Variants in GRIA1 observed in about 807,000 individuals in gnomAD.
GRIA1 encodes the protein glutamate receptor 1.
Under a neutral mutation model 99.2 loss-of-function variants are expected in GRIA1, and 31 were observed. The ratio of observed to expected loss-of-function variants is 0.31; its 90% CI spans 0.23 to 0.42. The LOEUF is 0.42. Among genes scored for constraint, GRIA1 ranks in the 10% least tolerant of loss-of-function variants. The pLI is 1.00. For missense variants in GRIA1, 782 were observed against 1,157.5 expected, an observed-to-expected ratio of 0.68 and a Z score of 4.71; for synonymous variants, 438 against 432.4, an observed-to-expected ratio of 1.01 and a Z score of -0.16.
At chr5:153,730,397 A>G (rs10477085) in intron 11 of GRIA1, among the ~76,000 whole-genome samples, 80,571 of 151,924 alleles carry the variant, frequency 0.53, 22,390 homozygotes, top group East Asian at 0.94. Context: ...ATGAATAAAT[A>G]TCCTAATAAA....
chr5:153,729,673 G>A (rs1022553333), intron 11 of GRIA1, among the ~76,000 whole-genome samples: 12 of 152,046 alleles, frequency 7.9e-5, no homozygotes, highest in African/African-American at 2.9e-4. Context: ...ATACTGAAAT[G>A]ATAGGGCTTT....
chr5:153,771,413 A>G (rs1483491164), intron 13 of GRIA1, among the ~76,000 whole-genome samples: 1 of 152,184 alleles, frequency 6.6e-6, no homozygotes, highest in African/African-American at 2.4e-5. Flanking sequence ...CTCTGCCTCC[A>G]CTTTATTCAT....
At chr5:153,670,074 A>C (rs746310234) in intron 5 of GRIA1, among the ~76,000 whole-genome samples, 1 of 152,238 alleles carries the variant, frequency 6.6e-6, no homozygotes, top group South Asian at 2.1e-4. Flanking sequence ...AAGTGCCTCA[A>C]GGTATTCTGA....
chr5:153,703,624 C>T (rs963668194), intron 10 of GRIA1, among the ~76,000 whole-genome samples: 7 of 152,240 alleles, frequency 4.6e-5, no homozygotes, highest in Middle Eastern at 3.4e-3. Flanking sequence ...CCTGTAATCC[C>T]AGCTACTTAG....
intron 2 of GRIA1, among the ~76,000 whole-genome samples, chr5:153,639,585 C>G (rs1218703049): frequency 1.3e-5 from 2 of 152,208 alleles, no homozygotes; most frequent in Non-Finnish European, 2.9e-5. Flanking sequence ...AATAGTCCTG[C>G]CAGTCACTCT....
chr5:153,612,051 G>A (rs930755062), intron 2 of GRIA1, among the ~76,000 whole-genome samples: 1 of 152,188 alleles, frequency 6.6e-6, no homozygotes, highest in African/African-American at 2.4e-5. Context: ...TGCTTGCTTT[G>A]TCTGCCTCTC....
chr5:153,617,081 G>A (rs1457495346), intron 2 of GRIA1, among the ~76,000 whole-genome samples: 1 of 152,120 alleles, frequency 6.6e-6, no homozygotes, highest in Non-Finnish European at 1.5e-5. Flanking sequence ...GGTCACTTCT[G>A]AGTAAAAGTA....
intron 4 of GRIA1, among the ~76,000 whole-genome samples, chr5:153,650,912 A>AT (rs1754524785): frequency 6.7e-6 from 1 of 150,236 alleles, no homozygotes; most frequent in African/African-American, 2.4e-5. Flanking sequence ...AAAAAAAAAA[A>AT]AAAAAAAAAT....
At chr5:153,633,730 G>A (rs1202978660) in intron 2 of GRIA1, among the ~76,000 whole-genome samples, 1 of 152,182 alleles carries the variant, frequency 6.6e-6, no homozygotes, top group Non-Finnish European at 1.5e-5. Context: ...TCCCAAAGAG[G>A]AGAAATGACT....
At chr5:153,514,600 A>G (rs540503891) in intron 2 of GRIA1, among the ~76,000 whole-genome samples, 2 of 152,308 alleles carry the variant, frequency 1.3e-5, no homozygotes, top group South Asian at 4.1e-4. Context: ...TAGCTTTGCA[A>G]TATATTTTGA....
Position 153,812,184 on chromosome 5 carries a change from C to T in GRIA1, c.*959C>T, listed in dbSNP as rs759991969. The T allele has an allele frequency of 6.6e-6, 1 of 152,062 alleles. No individual in the cohort carries two copies. Among genetic ancestry groups the T allele is most frequent in the African/African-American group, 2.4e-5 (1 of 41,404 alleles). The allele number at this position is 152,062 out of a possible 1,614,324, so 9.4% of individuals were successfully genotyped here. ...AGATAACAGCCAGGGAGATATTGCC[C>T]ATGATTCTCACTTTTTCTTTGCCTG... On this transcript the variant is annotated 3_prime_UTR_variant, in exon 16 of 16. Transcript: ENST00000285900.
At chr5:153,799,330 G>T (rs1176268326) in intron 14 of GRIA1, among the ~76,000 whole-genome samples, 2 of 152,166 alleles carry the variant, frequency 1.3e-5, no homozygotes, top group East Asian at 3.8e-4. Context: ...AGGAATTTTT[G>T]TCCCTGCCCC....
intron 11 of GRIA1, among the ~76,000 whole-genome samples, chr5:153,736,935 T>C (rs1426169661): frequency 6.6e-6 from 1 of 152,192 alleles, no homozygotes; most frequent in Non-Finnish European, 1.5e-5. Context: ...CTAAGATAGA[T>C]CCTGCAATGG....
chr5:153,710,711 G>A (rs987676433), intron 11 of GRIA1, among the ~76,000 whole-genome samples: 2 of 152,168 alleles, frequency 1.3e-5, no homozygotes, highest in African/African-American at 2.4e-5. Flanking sequence ...TGCAGGGTAT[G>A]GTTCTAAGTG....
intron 11 of GRIA1, among the ~76,000 whole-genome samples, chr5:153,714,125 G>T (rs768730561): frequency 9.9e-5 from 15 of 152,162 alleles, no homozygotes; most frequent in Non-Finnish European, 1.6e-4. Flanking sequence ...AAGTCAGCCG[G>T]GGGCTGTGGT....
At chr5:153,539,730 C>A (rs1758895476) in intron 2 of GRIA1, among the ~76,000 whole-genome samples, 1 of 152,206 alleles carries the variant, frequency 6.6e-6, no homozygotes, top group South Asian at 2.1e-4. Flanking sequence ...CCAAGATATT[C>A]TGAAAAAGAA....
At chr5:153,641,842 A>G (rs1753796209) in intron 2 of GRIA1, among the ~76,000 whole-genome samples, 1 of 152,168 alleles carries the variant, frequency 6.6e-6, no homozygotes, top group Admixed American at 6.5e-5. Context: ...TTAACATAGC[A>G]TGTAGACTGA....
At chr5:153,510,595 C>A (rs1318065585) in intron 2 of GRIA1, among the ~76,000 whole-genome samples, 2 of 152,032 alleles carry the variant, frequency 1.3e-5, no homozygotes, top group African/African-American at 4.8e-5. Context: ...CGGAGCTCTG[C>A]AAGATACATT....
intron 11 of GRIA1, among the ~76,000 whole-genome samples, chr5:153,762,794 C>G (rs1201151977): frequency 6.6e-6 from 1 of 152,212 alleles, no homozygotes; most frequent in Non-Finnish European, 1.5e-5. Flanking sequence ...AACACTCTCA[C>G]TCTCAGGATA....
Sources: gnomAD v4.1 joint callset for allele counts (sites outside exome capture counted in the v4.1 genomes callset) on GRCh38, gnomAD v4.1.1 for gene constraint, MANE v1.5 for transcripts, NCBI Gene and HGNC (gene_info 2026-07-23, HGNC 2026-07-21) for gene names.